SETD3: variants seen among roughly 807,000 people sequenced by gnomAD.
SETD3 encodes the protein SET domain containing 3, actin N3(tau)-histidine methyltransferase, also known as actin-histidine N-methyltransferase.
In SETD3, 19 loss-of-function variants were observed where a neutral mutation model predicts 63.0. The ratio of observed to expected loss-of-function variants is 0.30; its 90% CI spans 0.21 to 0.44. The LOEUF (loss-of-function observed/expected upper bound fraction) is 0.44, where lower values mean the gene tolerates loss of function less well. SETD3 is among the 20% of genes least tolerant of loss of function. SETD3 has a pLI of 1.00. For synonymous variants in SETD3, 286 were observed against 264.1 expected (o/e 1.08, Z -0.80); for missense variants, 587 against 728.5 (o/e 0.81, Z 2.24).
At chr14:99,453,081 T>C (rs1812961890) in intron 6 of SETD3, among the ~76,000 whole-genome samples, 2 of 152,116 alleles carry the variant, frequency 1.3e-5, no homozygotes, top group African/African-American at 2.4e-5. Context: ...CAGGTCACAG[T>C]AATGGAATAT....
In SETD3 at chr14:99,458,625, A is replaced by C. The variant is rs1279356776; in HGVS notation, c.419-90T>G. ...ACGTTTACAAATTACAGAAAAACTAAAAGGTCTTGTAACATTTAAAGTCAG... is the reference window on the plus strand; with the variant it reads ...ACGTTTACAAATTACAGAAAAACTACAAGGTCTTGTAACATTTAAAGTCAG... On this transcript the variant is annotated intron_variant, in intron 5 of 12. Transcript: ENST00000331768. 2.0e-6 allele frequency: 3 copies of C among 1,473,858 alleles called. No homozygotes were observed. The African/African-American group carries it at 4.5e-5, about 22-fold the overall frequency. 91.3% of individuals were successfully genotyped at this position (1,473,858 alleles called of 1,614,324 possible).
At chr14:99,416,699 T>C (rs1046913221) in intron 6 of SETD3, among the ~76,000 whole-genome samples, 2 of 151,984 alleles carry the variant, frequency 1.3e-5, no homozygotes, top group Non-Finnish European at 2.9e-5. Flanking sequence ...AAGCGCTACC[T>C]CCCCTCAGCC....
At chr14:99,399,741 A>AATTTT (rs1566869064) in intron 12 of SETD3, among the ~76,000 whole-genome samples, 1 of 127,728 alleles carries the variant, frequency 7.8e-6, no homozygotes, top group African/African-American at 3.0e-5. Context: ...CTTTCATTAA[A>AATTTT]TTTTTTTTTT....
At chr14:99,410,039 A>G in intron 8 of SETD3, 1 of 593,120 alleles carries the variant, frequency 1.7e-6, no homozygotes. Context: ...TCTGGACAAT[A>G]GAGGGAAATG....
At chr14:99,414,683 T>C (rs986007525) in intron 6 of SETD3, among the ~76,000 whole-genome samples, 1 of 152,256 alleles carries the variant, frequency 6.6e-6, no homozygotes, top group Admixed American at 6.5e-5. Context: ...CTTCACCACG[T>C]CCTCCACTTT....
intron 6 of SETD3, among the ~76,000 whole-genome samples, chr14:99,433,639 A>G (rs555731105): frequency 9.9e-5 from 15 of 152,166 alleles, no homozygotes; most frequent in Admixed American, 2.0e-4. Context: ...GGGTTTTACC[A>G]TGTTAGCCAG....
chr14:99,440,039 G>A (rs1013315649), intron 6 of SETD3, among the ~76,000 whole-genome samples: 9 of 151,928 alleles, frequency 5.9e-5, no homozygotes, highest in African/African-American at 2.2e-4. Flanking sequence ...GAACTCCTGG[G>A]CTAAAGTGAT....
intron 6 of SETD3, among the ~76,000 whole-genome samples, chr14:99,456,887 A>G (rs2139768139): frequency 6.6e-6 from 1 of 152,348 alleles, no homozygotes; most frequent in African/African-American, 2.4e-5. Flanking sequence ...CCATCATCCT[A>G]GACCCTCCAA....
intron 6 of SETD3, among the ~76,000 whole-genome samples, chr14:99,442,788 T>C (rs540364133): frequency 1.1e-3 from 164 of 152,306 alleles, no homozygotes; most frequent in Middle Eastern, 3.4e-3. Context: ...TTAGAAGTTA[T>C]ATGGATTTCG....
chr14:99,483,796 G>A (rs546265681), upstream of SETD3, among the ~76,000 whole-genome samples: 140 of 152,336 alleles, frequency 9.2e-4, no homozygotes, highest in Non-Finnish European at 7.6e-4. Flanking sequence ...TAAGCCTGGG[G>A]AGATGTCTTT....
intron 6 of SETD3, among the ~76,000 whole-genome samples, chr14:99,434,861 AAAAAAAAAAAAAAAAC>A (rs1016560173): frequency 6.7e-6 from 1 of 148,694 alleles, no homozygotes; most frequent in African/African-American, 2.5e-5. Context: ...AAAAAAAAAA[AAAAAAAAAAAAAAAAC>A]AACCTACATT....
intron 8 of SETD3, among the ~76,000 whole-genome samples, chr14:99,410,913 T>G (rs1406888536): frequency 6.6e-6 from 1 of 152,214 alleles, no homozygotes; most frequent in South Asian, 2.1e-4. Flanking sequence ...CAGGGTAGAC[T>G]GACAATAAGA....
At chr14:99,413,285 C>G in intron 7 of SETD3, 4 of 497,938 alleles carry the variant, frequency 8.0e-6, no homozygotes, top group Non-Finnish European at 1.4e-5. Flanking sequence ...GCAGACTGTT[C>G]CCAAGAAGCA....
intron 6 of SETD3, among the ~76,000 whole-genome samples, chr14:99,430,948 G>A (rs1473892873): frequency 6.6e-6 from 1 of 152,170 alleles, no homozygotes; most frequent in Non-Finnish European, 1.5e-5. Flanking sequence ...AAGTAACAAT[G>A]AACACTGAGT....
At chr14:99,434,847 CAAAAAAAAA>C (rs71110599) in intron 6 of SETD3, among the ~76,000 whole-genome samples, 4 of 30,430 alleles carry the variant, frequency 1.3e-4, no homozygotes, top group African/African-American at 5.0e-4. Flanking sequence ...AACTCTGCCT[CAAAAAAAAA>C]AAAAAAAAAA....
intron 6 of SETD3, among the ~76,000 whole-genome samples, chr14:99,437,789 G>A (rs1207872081): frequency 6.6e-6 from 1 of 152,190 alleles, no homozygotes; most frequent in East Asian, 1.9e-4. Flanking sequence ...CAACACTTCA[G>A]TCACTCAAAG....
At position 99,468,460 on chromosome 14, in the gene SETD3, T is replaced by C. The variant is rs140681136; in HGVS notation, c.-8-2647A>G. On this transcript the variant is annotated intron_variant, in intron 1 of 12. Coordinates refer to ENST00000331768, the MANE Select transcript of SETD3 (RefSeq NM_032233.3). ...TTGCTATCTTCTCTTATGTATCTAA[T>C]GTATAAAGAATAATGTGTAACATGT... Among the ~76,000 whole-genome samples, 678 of 152,270 alleles carry C rather than the reference T, an allele frequency of 4.5e-3. 7 individuals are homozygous for C. The highest frequency in any genetic ancestry group is 6.6e-3 in the Non-Finnish European group (448 of 68,018).
intron 11 of SETD3, among the ~76,000 whole-genome samples, chr14:99,401,764 G>A (rs1410300592): frequency 6.6e-6 from 1 of 151,978 alleles, no homozygotes; most frequent in Non-Finnish European, 1.5e-5. Context: ...CTTTTCAAAG[G>A]CCCCCAGTAT....
intron 9 of SETD3, 49 bp from the exon 10 acceptor site, chr14:99,405,420 T>G: frequency 6.3e-7 from 1 of 1,585,918 alleles, no homozygotes; most frequent in Non-Finnish European, 8.6e-7. Context: ...AAACTTGGCA[T>G]GTATTCTTAA....
Sources: allele counts gnomAD v4.1 joint callset (sites outside exome capture counted in the v4.1 genomes callset), GRCh38; gene constraint gnomAD v4.1.1; transcripts MANE v1.5; gene names NCBI Gene and HGNC (gene_info 2026-07-23, HGNC 2026-07-21).